Variants in CCL28 observed in about 807,000 individuals in gnomAD.
CCL28 encodes the protein C-C motif chemokine ligand 28.
In CCL28, 4 loss-of-function variants were observed where a neutral mutation model predicts 7.1. The observed-to-expected ratio is 0.56, with a 90% CI of 0.28 to 1.29. The LOEUF is 1.29. Ranked by LOEUF, CCL28 falls within the 50% of genes most tolerant of loss-of-function variation. CCL28 has a pLI of 0.11. For synonymous variants in CCL28, 55 were observed against 57.8 expected, an observed-to-expected ratio of 0.95 and a Z score of 0.22; for missense variants, 151 against 163.4, an observed-to-expected ratio of 0.92 and a Z score of 0.41.
intron 2 of CCL28, among the ~76,000 whole-genome samples, chr5:43,384,781 C>T (rs1225511888): frequency 6.6e-6 from 1 of 152,158 alleles, no homozygotes; most frequent in Non-Finnish European, 1.5e-5. Context: ...ACAACAACGC[C>T]TCACAACCAC....
downstream of CCL28, among the ~76,000 whole-genome samples, chr5:43,378,895 A>C (rs1739994709): frequency 6.6e-6 from 1 of 152,178 alleles, no homozygotes; most frequent in Non-Finnish European, 1.5e-5. Flanking sequence ...CAGGAGGCAG[A>C]GATTGCAGTG....
At chr5:43,361,162 T>C in the CCL28 span, among the ~76,000 whole-genome samples, 1 of 152,236 alleles carries the variant, frequency 6.6e-6, no homozygotes, top group South Asian at 2.1e-4. Flanking sequence ...CATTCCTTTT[T>C]ATGGCTGCAT....
intron 2 of CCL28, among the ~76,000 whole-genome samples, chr5:43,384,948 G>A (rs901532567): frequency 1.3e-5 from 2 of 150,976 alleles, no homozygotes; most frequent in African/African-American, 4.9e-5. Flanking sequence ...CCAGGCTGGA[G>A]TGCAGTGGCG....
the CCL28 span, among the ~76,000 whole-genome samples, chr5:43,362,058 T>C: frequency 1.3e-5 from 2 of 152,192 alleles, no homozygotes; most frequent in Admixed American, 6.5e-5. Flanking sequence ...TTGATAGAAA[T>C]AGCATTGAAT....
downstream of CCL28, chr5:43,377,199 C>G (rs1739910231): frequency 6.6e-6 from 1 of 152,170 alleles, no homozygotes; most frequent in South Asian, 2.1e-4. Context: ...TACATAAAGC[C>G]TAATACGTAG....
At chr5:43,368,789 C>T in the CCL28 span, among the ~76,000 whole-genome samples, 2 of 152,046 alleles carry the variant, frequency 1.3e-5, no homozygotes, top group African/African-American at 4.8e-5. Context: ...ATCAGCCATC[C>T]ACAAGCCAAG....
intron 1 of CCL28, among the ~76,000 whole-genome samples, chr5:43,401,374 G>C (rs1469859735): frequency 2.6e-5 from 4 of 152,200 alleles, no homozygotes; most frequent in Non-Finnish European, 5.9e-5. Flanking sequence ...ACATGATACA[G>C]ACACTAGAGT....
intron 1 of CCL28, among the ~76,000 whole-genome samples, chr5:43,392,990 CATA>C (rs757903096): frequency 1.2e-4 from 18 of 152,178 alleles, no homozygotes; most frequent in Admixed American, 2.0e-4. Flanking sequence ...ATAAAAATAA[CATA>C]ATAATAATTT....
At chr5:43,386,452 G>A (rs976576534) in intron 2 of CCL28, among the ~76,000 whole-genome samples, 2 of 152,120 alleles carry the variant, frequency 1.3e-5, no homozygotes, top group African/African-American at 2.4e-5. Flanking sequence ...GGAGCCACGT[G>A]GTGGCTTGAA....
intron 1 of CCL28, among the ~76,000 whole-genome samples, chr5:43,395,618 C>T (rs1472402557): frequency 6.6e-6 from 1 of 151,932 alleles, no homozygotes; most frequent in Non-Finnish European, 1.5e-5. Flanking sequence ...CCTGCCATTG[C>T]GTTACAGGAA....
the CCL28 span, among the ~76,000 whole-genome samples, chr5:43,367,325 G>A: frequency 1.2e-4 from 18 of 152,300 alleles, no homozygotes; most frequent in African/African-American, 3.6e-4. Context: ...CCAAATGGCC[G>A]CCCAGTTTTG....
intron 1 of CCL28, among the ~76,000 whole-genome samples, chr5:43,401,405 G>A (rs1225617651): frequency 6.6e-6 from 1 of 152,212 alleles, no homozygotes; most frequent in Admixed American, 6.5e-5. Flanking sequence ...TAGTCTTGAA[G>A]GGGTTTGGAT....
At chr5:43,383,420 G>A (rs1561155358) in intron 2 of CCL28, among the ~76,000 whole-genome samples, 2 of 152,174 alleles carry the variant, frequency 1.3e-5, no homozygotes, top group Admixed American at 6.5e-5. Context: ...TTCAGCTAAT[G>A]TAGGGACTAC....
chr5:43,386,544 A>T (rs903253791), intron 2 of CCL28, among the ~76,000 whole-genome samples: 1 of 152,158 alleles, frequency 6.6e-6, no homozygotes, highest in African/African-American at 2.4e-5. Context: ...TGAATCAAGA[A>T]TTGTTTCCTC....
At chr5:43,371,641 T>C in the CCL28 span, among the ~76,000 whole-genome samples, 1 of 152,212 alleles carries the variant, frequency 6.6e-6, no homozygotes, top group African/African-American at 2.4e-5. Context: ...AGCCTTCAGA[T>C]GCCTGCTGCC....
the CCL28 span, among the ~76,000 whole-genome samples, chr5:43,357,396 T>C: frequency 1.2e-4 from 18 of 152,258 alleles, no homozygotes; most frequent in African/African-American, 4.3e-4. Context: ...ACCATCGTAA[T>C]AGATTCCAAT....
chr5:43,383,305 C>T (rs886618199), intron 2 of CCL28, among the ~76,000 whole-genome samples: 5 of 152,034 alleles, frequency 3.3e-5, no homozygotes, highest in East Asian at 1.9e-4. Context: ...ATAGTATTTC[C>T]GTATCCAGAT....
chr5:43,399,011 G>GT (rs1561164222), intron 1 of CCL28, among the ~76,000 whole-genome samples: 1 of 152,064 alleles, frequency 6.6e-6, no homozygotes, highest in Admixed American at 6.6e-5. Flanking sequence ...TTCAAAATGT[G>GT]TTTTTTTAGC....
At chr5:43,377,717 C>CTTTTTTTTTATTTTTTT (rs1739938149), downstream of CCL28, among the ~76,000 whole-genome samples, 1 of 42,708 alleles carries the variant, frequency 2.3e-5, no homozygotes, top group Non-Finnish European at 3.9e-5. Context: ...AGAACTTAAA[C>CTTTTTTTTTATTTTTTT]TTTTTTTTTT....
Sources: allele counts gnomAD v4.1 joint callset (sites outside exome capture counted in the v4.1 genomes callset), GRCh38; gene constraint gnomAD v4.1.1; transcripts MANE v1.5; gene names NCBI Gene and HGNC (gene_info 2026-07-23, HGNC 2026-07-21).